The following TBC1D8 variants were observed in gnomAD, a reference collection of about 807,000 sequenced individuals.
TBC1D8 encodes BUB2-like protein 1.
TBC1D8 carries 65 observed loss-of-function variants against 118.8 expected under a neutral mutation model. The ratio of observed to expected loss-of-function variants is 0.55; its 90% confidence interval spans 0.45 to 0.67. The LOEUF (loss-of-function observed/expected upper bound fraction) is 0.67, where lower values mean the gene tolerates loss of function less well. TBC1D8 is among the 30% of genes least tolerant of loss of function. TBC1D8 has a pLI of 0.00. For synonymous variants in TBC1D8, 566 were observed against 595.8 expected (o/e 0.95, Z 0.73); for missense variants, 1,376 against 1,471.2 (o/e 0.94, Z 1.06).
intron 17 of TBC1D8, among the ~76,000 whole-genome samples, chr2:101,015,653 C>T (rs10174369): frequency 0.19 from 28,530 of 152,096 alleles, 2,887 homozygotes; most frequent in Middle Eastern, 0.32. Flanking sequence ...AGAGGCATCA[C>T]GCTACGTGAC....
At chr2:101,074,678 A>G (rs966794313) in intron 2 of TBC1D8, among the ~76,000 whole-genome samples, 1 of 152,242 alleles carries the variant, frequency 6.6e-6, no homozygotes, top group African/African-American at 2.4e-5. Flanking sequence ...GTGTACGTAT[A>G]TTAGATAAAC....
intron 1 of TBC1D8, among the ~76,000 whole-genome samples, chr2:101,121,895 G>C (rs1403629722): frequency 1.3e-5 from 2 of 151,906 alleles, no homozygotes; most frequent in African/African-American, 2.4e-5. Context: ...GTGAAACCCT[G>C]TCTCTACTAA....
intron 2 of TBC1D8, among the ~76,000 whole-genome samples, chr2:101,086,067 G>C (rs1210896510): frequency 6.6e-6 from 1 of 151,884 alleles, no homozygotes; most frequent in Non-Finnish European, 1.5e-5. Context: ...GCATGAACCT[G>C]GGAGGCAGAG....
chr2:101,058,752 CAA>C (rs780821019), intron 3 of TBC1D8, among the ~76,000 whole-genome samples: 29 of 116,314 alleles, frequency 2.5e-4, no homozygotes, highest in Admixed American at 4.5e-4. Flanking sequence ...GTCACAACTG[CAA>C]AAAAAAAAAA....
At chr2:101,017,748 A>G in intron 17 of TBC1D8, 1 of 1,203,316 alleles carries the variant, frequency 8.3e-7, no homozygotes, top group African/African-American at 1.5e-5. Context: ...GATAGGGTCA[A>G]GTGACAAAAA....
intron 2 of TBC1D8, among the ~76,000 whole-genome samples, chr2:101,071,346 AAAAC>A (rs534839889): frequency 2.1e-4 from 30 of 142,566 alleles, no homozygotes; most frequent in Admixed American, 4.4e-4. Context: ...CTCCGTCTCA[AAAAC>A]AAACAAACAA....
rs530049049 is a variant in TBC1D8, at chr2:101,070,703, G to A, written c.284-11164C>T. On this transcript the variant is annotated intron_variant, in intron 2 of 19. Transcript: ENST00000409318. Reference sequence around the variant, plus strand: ...GCTGGGATTACAGGCGTGAGCCATCGCGCCCAGCCAACAAATCTGATTTTT... The same window carrying A: ...GCTGGGATTACAGGCGTGAGCCATCACGCCCAGCCAACAAATCTGATTTTT... Among the ~76,000 whole-genome samples the A allele has an allele frequency of 4.6e-5, 7 of 152,202 alleles. No individual in the cohort carries two copies. The South Asian group carries it at 1.5e-3, about 32-fold the overall frequency.
At chr2:101,135,549 T>C (rs948920412) in intron 1 of TBC1D8, among the ~76,000 whole-genome samples, 1 of 152,222 alleles carries the variant, frequency 6.6e-6, no homozygotes, top group Non-Finnish European at 1.5e-5. Flanking sequence ...GGAGGCGCAG[T>C]TGGCGTTATG....
intron 2 of TBC1D8, among the ~76,000 whole-genome samples, chr2:101,063,473 C>G (rs1682865408): frequency 6.6e-6 from 1 of 152,158 alleles, no homozygotes; most frequent in Non-Finnish European, 1.5e-5. Flanking sequence ...TATGCTTCTC[C>G]CAGCAAAGAC....
chr2:101,129,108 T>C (rs1678473900), intron 1 of TBC1D8, among the ~76,000 whole-genome samples: 1 of 152,236 alleles, frequency 6.6e-6, no homozygotes. Flanking sequence ...TATGTATATT[T>C]ACCACAGTTT....
intron 9 of TBC1D8, among the ~76,000 whole-genome samples, chr2:101,034,329 T>A (rs1262542561): frequency 6.6e-6 from 1 of 152,180 alleles, no homozygotes; most frequent in Non-Finnish European, 1.5e-5. Context: ...AGCATGCACA[T>A]ACACACACGC....
At chr2:101,109,540 C>T (rs988224258) in intron 1 of TBC1D8, among the ~76,000 whole-genome samples, 5 of 152,132 alleles carry the variant, frequency 3.3e-5, no homozygotes, top group African/African-American at 7.2e-5. Flanking sequence ...CTACTTAGTC[C>T]GTCCTTTTAT....
At chr2:101,015,656 T>G (rs963406566) in intron 17 of TBC1D8, among the ~76,000 whole-genome samples, 1 of 152,322 alleles carries the variant, frequency 6.6e-6, no homozygotes, top group East Asian at 1.9e-4. Flanking sequence ...GGCATCACGC[T>G]ACGTGACTTC....
intron 2 of TBC1D8, 58 bp downstream of exon 2, chr2:101,090,151 G>T (rs897779208): frequency 1.3e-6 from 2 of 1,548,592 alleles, no homozygotes; most frequent in African/African-American, 1.4e-5. Context: ...CCAACATGCA[G>T]ATACTCAGCA....
intron 14 of TBC1D8, 23 bp downstream of exon 14, chr2:101,028,024 CG>C: frequency 6.2e-7 from 1 of 1,611,508 alleles, no homozygotes; most frequent in Non-Finnish European, 8.5e-7. Context: ...CCGTGATCAC[CG>C]GGGTGAGGCG....
chr2:101,028,269 CT>C (rs1680459175), intron 13 of TBC1D8, 33 bp downstream of exon 13: 1 of 1,593,704 alleles, frequency 6.3e-7, no homozygotes, highest in African/African-American at 1.3e-5. Flanking sequence ...GGGTTAGGGG[CT>C]GCAACGGGGC....
Position 101,007,625 on chromosome 2 carries a change from G to T in TBC1D8, c.*196C>A. On this transcript the variant is annotated 3_prime_UTR_variant, in exon 20 of 20. Coordinates refer to ENST00000409318, the MANE Select transcript of TBC1D8 (RefSeq NM_001330348.2). ...ATCAAGGGAACCAATGGATACCTTAGGGCACTGACAATTCTCAATACATAG... is the reference window on the plus strand; with the variant it reads ...ATCAAGGGAACCAATGGATACCTTATGGCACTGACAATTCTCAATACATAG... 1 of 611,602 alleles carries T rather than the reference G, an allele frequency of 1.6e-6. No individual in the cohort carries two copies. Among genetic ancestry groups the T allele is most frequent in the Non-Finnish European group, 2.8e-6 (1 of 350,960 alleles). The allele number at this position is 611,602 out of a possible 1,614,324, so 37.9% of individuals were successfully genotyped here.
chr2:101,035,052 A>G (rs774422355), intron 9 of TBC1D8, among the ~76,000 whole-genome samples: 1 of 152,134 alleles, frequency 6.6e-6, no homozygotes, highest in South Asian at 2.1e-4. Context: ...AGTGAGGGAC[A>G]AAGTTGGGGG....
chr2:101,124,631 C>A (rs531321696), intron 1 of TBC1D8, among the ~76,000 whole-genome samples: 10 of 152,296 alleles, frequency 6.6e-5, no homozygotes, highest in Non-Finnish European at 1.3e-4. Context: ...AACTTCTGCA[C>A]ATGGCAGCAG....
Sources: gnomAD v4.1 joint callset for allele counts (sites outside exome capture counted in the v4.1 genomes callset) on GRCh38, gnomAD v4.1.1 for gene constraint, MANE v1.5 for transcripts, NCBI Gene and HGNC (gene_info 2026-07-23, HGNC 2026-07-21) for gene names.